Variants in CDKAL1 observed in about 807,000 individuals in gnomAD.
The protein encoded by CDKAL1 is threonylcarbamoyladenosine tRNA methylthiotransferase.
In CDKAL1, 32 loss-of-function variants were observed where a neutral mutation model predicts 68.2. The observed-to-expected ratio is 0.47, with a 90% CI of 0.35 to 0.63. The LOEUF (loss-of-function observed/expected upper bound fraction) is 0.63, where lower values mean the gene tolerates loss of function less well. Ranked by LOEUF, CDKAL1 falls within the 30% of genes least tolerant of loss-of-function variation. CDKAL1 has a pLI of 0.00. For missense variants in CDKAL1, 606 were observed against 696.7 expected (o/e 0.87, Z 1.47); for synonymous variants, 234 against 244.3 (o/e 0.96, Z 0.39).
intron 9 of CDKAL1, among the ~76,000 whole-genome samples, chr6:20,873,871 T>A (rs1394605517): frequency 6.6e-6 from 1 of 152,132 alleles, no homozygotes; most frequent in Non-Finnish European, 1.5e-5. Context: ...TGCAAAAAAA[T>A]TGGATTGCAG....
At chr6:20,650,273 G>A (rs1382219866) in intron 5 of CDKAL1, among the ~76,000 whole-genome samples, 1 of 152,154 alleles carries the variant, frequency 6.6e-6, no homozygotes, top group Non-Finnish European at 1.5e-5. Context: ...GCGTGAAATG[G>A]TACCTCATTG....
intron 4 of CDKAL1, among the ~76,000 whole-genome samples, chr6:20,599,732 A>G (rs1765999566): frequency 6.6e-6 from 1 of 152,178 alleles, no homozygotes; most frequent in South Asian, 2.1e-4. Flanking sequence ...ATCTAGACCT[A>G]TGACTATTAA....
At chr6:21,216,765 C>T (rs773339859) in intron 15 of CDKAL1, among the ~76,000 whole-genome samples, 1 of 152,170 alleles carries the variant, frequency 6.6e-6, no homozygotes, top group African/African-American at 2.4e-5. Flanking sequence ...TTTGACCAAC[C>T]CTTCCCCAAC....
chr6:20,537,036 C>A (rs932696267), intron 2 of CDKAL1, among the ~76,000 whole-genome samples: 1 of 151,800 alleles, frequency 6.6e-6, no homozygotes, highest in Admixed American at 6.6e-5. Context: ...TCTTTTTTTT[C>A]TTTTGTTTTT....
chr6:20,927,841 T>A (rs1763251224), intron 9 of CDKAL1, among the ~76,000 whole-genome samples: 1 of 152,178 alleles, frequency 6.6e-6, no homozygotes, highest in Non-Finnish European at 1.5e-5. Context: ...AGTAGTTATC[T>A]TGACCTTTAG....
intron 4 of CDKAL1, among the ~76,000 whole-genome samples, chr6:20,562,983 T>A (rs1764324446): frequency 1.3e-5 from 2 of 152,354 alleles, no homozygotes; most frequent in South Asian, 4.1e-4. Context: ...TCCCATTGAC[T>A]CTTTCTCTGC....
chr6:20,875,151 T>G (rs984981898), intron 9 of CDKAL1, among the ~76,000 whole-genome samples: 8 of 150,450 alleles, frequency 5.3e-5, no homozygotes, highest in Non-Finnish European at 8.9e-5. Context: ...TACAAAAAAT[T>G]AGCCGGGCGC....
At chr6:20,556,086 C>T (rs1307047169) in intron 4 of CDKAL1, among the ~76,000 whole-genome samples, 5 of 151,740 alleles carry the variant, frequency 3.3e-5, no homozygotes, top group East Asian at 2.0e-4. Flanking sequence ...GTTTCTTGGC[C>T]GGGTGCGATC....
chr6:21,134,606 AT>A (rs1209227369), intron 13 of CDKAL1, among the ~76,000 whole-genome samples: 1 of 152,172 alleles, frequency 6.6e-6, no homozygotes, highest in Non-Finnish European at 1.5e-5. Flanking sequence ...TGTAACAGTA[AT>A]CAGTCATCGA....
At chr6:20,768,456 A>G (rs921208310) in intron 7 of CDKAL1, among the ~76,000 whole-genome samples, 2 of 152,178 alleles carry the variant, frequency 1.3e-5, no homozygotes, top group Admixed American at 6.5e-5. Flanking sequence ...CCCGATTTCT[A>G]TATGCCAGAT....
intron 15 of CDKAL1, among the ~76,000 whole-genome samples, chr6:21,208,542 G>A (rs980289546): frequency 1.3e-5 from 2 of 152,132 alleles, no homozygotes; most frequent in Non-Finnish European, 2.9e-5. Flanking sequence ...AAGCAAATGA[G>A]GGCGTGTTTC....
intron 5 of CDKAL1, among the ~76,000 whole-genome samples, chr6:20,676,665 T>TTTAAATAAA: frequency 7.5e-6 from 1 of 132,900 alleles, no homozygotes; most frequent in Non-Finnish European, 1.5e-5. Context: ...AGACTCTGTC[T>TTTAAATAAA]TAAATAAATA....
chr6:21,137,666 C>T (rs1775679371), intron 13 of CDKAL1, among the ~76,000 whole-genome samples: 1 of 151,950 alleles, frequency 6.6e-6, no homozygotes, highest in African/African-American at 2.4e-5. Flanking sequence ...ATTCACAGGG[C>T]AAAATGACAG....
At chr6:20,967,211 T>C (rs1765363588) in intron 10 of CDKAL1, among the ~76,000 whole-genome samples, 1 of 152,182 alleles carries the variant, frequency 6.6e-6, no homozygotes, top group Admixed American at 6.5e-5. Context: ...CTTGATTATA[T>C]CTATTAAGAC....
intron 5 of CDKAL1, among the ~76,000 whole-genome samples, chr6:20,698,780 A>C (rs1771216542): frequency 3.9e-5 from 6 of 152,226 alleles, no homozygotes; most frequent in Admixed American, 3.9e-4. Flanking sequence ...CAGTCTTGTC[A>C]TGGTAAAAAT....
At chr6:20,983,513 G>A (rs1425609178) in intron 10 of CDKAL1, among the ~76,000 whole-genome samples, 2 of 152,212 alleles carry the variant, frequency 1.3e-5, no homozygotes, top group Non-Finnish European at 2.9e-5. Flanking sequence ...CTGAGGTCAG[G>A]AGTTGGAGAC....
chr6:20,780,066 T>C (rs1581565330), intron 7 of CDKAL1, among the ~76,000 whole-genome samples: 1 of 130,932 alleles, frequency 7.6e-6, no homozygotes, highest in Non-Finnish European at 1.6e-5. Context: ...CTAGGCAATA[T>C]AGTGAGACCC....
At chr6:20,544,583 G>T (rs1167923755) in intron 2 of CDKAL1, among the ~76,000 whole-genome samples, 2 of 92,632 alleles carry the variant, frequency 2.2e-5, no homozygotes, top group Non-Finnish European at 3.8e-5. Context: ...GCCACAGAGC[G>T]AAACTCCGTC....
intron 8 of CDKAL1, among the ~76,000 whole-genome samples, chr6:20,785,355 G>A (rs71535528): frequency 5.2e-5 from 7 of 134,694 alleles, no homozygotes; most frequent in Non-Finnish European, 9.2e-5. Context: ...TTGCTCTGTC[G>A]CCCAGGCTGG....
Sources: gnomAD v4.1 joint callset for allele counts (sites outside exome capture counted in the v4.1 genomes callset) on GRCh38, gnomAD v4.1.1 for gene constraint, MANE v1.5 for transcripts, NCBI Gene and HGNC (gene_info 2026-07-23, HGNC 2026-07-21) for gene names.